DCC: variants seen among roughly 807,000 people sequenced by gnomAD.
The protein encoded by DCC is netrin receptor DCC.
A neutral mutation model predicts 172.5 loss-of-function variants in DCC; 58 were observed. The observed-to-expected ratio is 0.34, with a 90% CI of 0.27 to 0.42. DCC has a LOEUF of 0.42. Ranked by LOEUF, DCC falls within the 10% of genes least tolerant of loss-of-function variation. The pLI, the probability that DCC is intolerant of heterozygous loss-of-function variation, is 1.00. For synonymous variants in DCC, 709 were observed against 644.5 expected, an observed-to-expected ratio of 1.10 and a Z score of -1.52; for missense variants, 1,740 against 1,791.0, an observed-to-expected ratio of 0.97 and a Z score of 0.51.
intron 7 of DCC, among the ~76,000 whole-genome samples, chr18:53,124,498 C>G (rs2043526992): frequency 6.6e-6 from 1 of 152,028 alleles, no homozygotes; most frequent in Non-Finnish European, 1.5e-5. Flanking sequence ...AATTTGCCCC[C>G]TGCTTGTTGA....
At chr18:52,530,057 T>C (rs1041824892) in intron 1 of DCC, among the ~76,000 whole-genome samples, 1 of 152,220 alleles carries the variant, frequency 6.6e-6, no homozygotes, top group African/African-American at 2.4e-5. Context: ...TTAATATATT[T>C]TAGTGAAACT....
At chr18:52,926,698 A>T (rs968915705) in intron 5 of DCC, among the ~76,000 whole-genome samples, 7 of 151,226 alleles carry the variant, frequency 4.6e-5, no homozygotes, top group African/African-American at 1.7e-4. Flanking sequence ...ATTAATGCAC[A>T]TTATTTTGAC....
At chr18:52,700,890 A>G (rs189474034) in intron 1 of DCC, among the ~76,000 whole-genome samples, 3 of 152,338 alleles carry the variant, frequency 2.0e-5, no homozygotes, top group Admixed American at 2.0e-4. Context: ...AGCACGTGAT[A>G]TTGGTTGACT....
chr18:53,272,715 A>T (rs533674355), intron 12 of DCC, among the ~76,000 whole-genome samples: 1 of 152,248 alleles, frequency 6.6e-6, no homozygotes, highest in South Asian at 2.1e-4. Context: ...ATTTTTCAAA[A>T]TCTCATTGTA....
intron 2 of DCC, among the ~76,000 whole-genome samples, chr18:52,849,364 C>A (rs2038941525): frequency 6.6e-6 from 1 of 152,140 alleles, no homozygotes; most frequent in African/African-American, 2.4e-5. Context: ...TGATTCCCTG[C>A]CAGTCTCTTT....
intron 1 of DCC, among the ~76,000 whole-genome samples, chr18:52,711,386 CCCGGCTAATGAGG>C (rs886558218): frequency 2.6e-5 from 4 of 152,178 alleles, no homozygotes; most frequent in African/African-American, 9.7e-5. Flanking sequence ...CACCACCAAC[CCCGGCTAATGAGG>C]CCTTGTCTAT....
At chr18:53,367,537 T>A (rs1011376918) in intron 15 of DCC, among the ~76,000 whole-genome samples, 3 of 152,192 alleles carry the variant, frequency 2.0e-5, no homozygotes, top group African/African-American at 7.2e-5. Flanking sequence ...ATAAAATTTA[T>A]TTTCTTAATC....
intron 12 of DCC, among the ~76,000 whole-genome samples, chr18:53,302,981 T>C (rs2057158521): frequency 6.6e-6 from 1 of 152,188 alleles, no homozygotes; most frequent in Non-Finnish European, 1.5e-5. Flanking sequence ...TATTCCACAA[T>C]CTTTTTCAGA....
chr18:53,402,818 A>G lies in DCC; in HGVS notation c.2860A>G (p.Ile954Val), dbSNP rs769887875. Residue 954 changes from isoleucine to valine, a missense_variant, in exon 19 of 29, where the codon ATT becomes GTT. Transcript: ENST00000442544. Reference sequence around the variant, plus strand: ...CTCTGCTCCCAAGGACTTGACAGTCATTACTAGGGAAGGGAAGCCTCGTGC... The same window carrying G: ...CTCTGCTCCCAAGGACTTGACAGTCGTTACTAGGGAAGGGAAGCCTCGTGC... The part of the protein sequence containing the change: ...PTSAPKDLTV[I>V]TREGKPRAVI... 11 of 1,613,970 alleles carry G rather than the reference A, an allele frequency of 6.8e-6. No homozygotes were observed. In the South Asian group the frequency reaches 1.1e-4, roughly 16 times the overall value.
At chr18:53,530,271 A>G in intron 28 of DCC, 1 of 699,168 alleles carries the variant, frequency 1.4e-6, no homozygotes, top group African/African-American at 1.7e-5. Context: ...CTTGTCTAAG[A>G]CCACACAGCT....
intron 5 of DCC, among the ~76,000 whole-genome samples, chr18:53,059,212 T>G (rs7226789): frequency 0.35 from 52,477 of 151,900 alleles, 11,514 homozygotes; most frequent in African/African-American, 0.62. Flanking sequence ...CTCCTACTGG[T>G]TCCCTCCCAT....
intron 2 of DCC, among the ~76,000 whole-genome samples, chr18:52,787,083 T>C: frequency 6.6e-6 from 1 of 152,146 alleles, no homozygotes; most frequent in East Asian, 1.9e-4. Flanking sequence ...TATTAAAAGC[T>C]TTAAAAAGTT....
intron 2 of DCC, among the ~76,000 whole-genome samples, chr18:52,802,971 G>A (rs56407294): frequency 6.6e-6 from 1 of 152,096 alleles, no homozygotes; most frequent in Non-Finnish European, 1.5e-5. Flanking sequence ...ATAAGGAAGA[G>A]AAAATATATT....
chr18:53,023,494 A>C (rs1412384863), intron 5 of DCC, among the ~76,000 whole-genome samples: 2 of 149,606 alleles, frequency 1.3e-5, no homozygotes, highest in African/African-American at 4.9e-5. Context: ...GGACCCTGTG[A>C]TGAAATAATT....
At chr18:52,802,259 T>C (rs1028687490) in intron 2 of DCC, among the ~76,000 whole-genome samples, 1 of 152,188 alleles carries the variant, frequency 6.6e-6, no homozygotes, top group African/African-American at 2.4e-5. Context: ...CTTTAGGTTT[T>C]AGTATCTACC....
At chr18:52,388,941 T>A (rs1320623108) in intron 1 of DCC, among the ~76,000 whole-genome samples, 1 of 152,150 alleles carries the variant, frequency 6.6e-6, no homozygotes, top group Admixed American at 6.5e-5. Flanking sequence ...GACCAATATG[T>A]ATTAATAGCC....
intron 7 of DCC, among the ~76,000 whole-genome samples, chr18:53,134,364 G>A (rs1220918091): frequency 1.3e-5 from 2 of 152,032 alleles, no homozygotes; most frequent in Non-Finnish European, 2.9e-5. Flanking sequence ...GGAATTATAA[G>A]CTGAATATGG....
At chr18:53,178,480 A>G (rs980520613) in intron 8 of DCC, among the ~76,000 whole-genome samples, 1 of 152,202 alleles carries the variant, frequency 6.6e-6, no homozygotes, top group African/African-American at 2.4e-5. Flanking sequence ...ATAGAACACT[A>G]AGCATCTGCG....
chr18:52,868,049 A>ATG (rs1555675501), intron 2 of DCC, among the ~76,000 whole-genome samples: 65 of 106,470 alleles, frequency 6.1e-4, no homozygotes, highest in Admixed American at 1.5e-3. Context: ...ATATATATAT[A>ATG]TATATGTGTG....
Sources: gnomAD v4.1 joint callset for allele counts (sites outside exome capture counted in the v4.1 genomes callset) on GRCh38, gnomAD v4.1.1 for gene constraint, MANE v1.5 for transcripts, NCBI Gene and HGNC (gene_info 2026-07-23, HGNC 2026-07-21) for gene names.